The following ANKAR variants were observed in gnomAD, a reference collection of about 807,000 sequenced individuals.
ANKAR encodes the protein ankyrin and armadillo repeat-containing protein.
Under a neutral mutation model 146.2 loss-of-function variants are expected in ANKAR, and 136 were observed. That is an observed-to-expected ratio of 0.93 (90% CI 0.81 to 1.07). ANKAR has a LOEUF of 1.07. Ranked by LOEUF, ANKAR falls within the 50% of genes least tolerant of loss-of-function variation. The pLI is 0.00. For missense variants in ANKAR, 1,567 were observed against 1,679.9 expected (o/e 0.93, Z 1.18); for synonymous variants, 500 against 575.8 (o/e 0.87, Z 1.88).
At position 189,760,506 on chromosome 2, in the gene ANKAR, T is replaced by G. The variant is rs543478603; in HGVS notation, c.*585-592T>G. On this transcript the variant is annotated intron_variant and NMD_transcript_variant, in intron 18 of 18. Transcript: ENST00000441800. ...TCTGCAAATACATTAACAATCTGGA[T>G]TTCCAGCCCGGCGCGGTGTCTCACG... Among the ~76,000 whole-genome samples the G allele has an allele frequency of 5.3e-5, 8 of 152,262 alleles. No individual in the cohort carries two copies. The East Asian group carries it at 1.4e-3, about 26-fold the overall frequency.
chr2:189,711,968 A>G (rs1161943223), intron 10 of ANKAR, among the ~76,000 whole-genome samples: 2 of 152,236 alleles, frequency 1.3e-5, no homozygotes, highest in East Asian at 1.9e-4. Context: ...GGCAGGTCCC[A>G]CACTGATGGA....
chr2:189,719,228 A>G (rs1348622718), intron 10 of ANKAR, among the ~76,000 whole-genome samples: 2 of 152,216 alleles, frequency 1.3e-5, no homozygotes, highest in Non-Finnish European at 2.9e-5. Context: ...GCAATAACCA[A>G]AACTGACCTG....
intron 2 of ANKAR, 116 bp from the exon 3 acceptor site, chr2:189,689,411 T>A (rs1293940447): frequency 2.3e-6 from 2 of 877,524 alleles, no homozygotes; most frequent in African/African-American, 3.4e-5. Flanking sequence ...TAATTTTTCC[T>A]TTACTGTCGT....
At chr2:189,745,407 T>C (rs1320856567) in intron 22 of ANKAR, among the ~76,000 whole-genome samples, 1 of 152,196 alleles carries the variant, frequency 6.6e-6, no homozygotes, top group South Asian at 2.1e-4. Context: ...CCTGTAAATA[T>C]GACTTTGCTG....
At chr2:189,754,420 G>T in intron 18 of ANKAR, 1 of 1,355,902 alleles carries the variant, frequency 7.4e-7, no homozygotes, top group African/African-American at 1.5e-5. Context: ...GAAATAAATT[G>T]AAAATTACTA....
chr2:189,724,975 ATCTT>A (rs2041706391), intron 12 of ANKAR, among the ~76,000 whole-genome samples: 1 of 152,210 alleles, frequency 6.6e-6, no homozygotes, highest in African/African-American at 2.4e-5. Flanking sequence ...ATTATATACC[ATCTT>A]TCTAAGGGTA....
At chr2:189,715,308 C>A (rs2040295046) in intron 10 of ANKAR, among the ~76,000 whole-genome samples, 2 of 152,134 alleles carry the variant, frequency 1.3e-5, no homozygotes, top group Non-Finnish European at 2.9e-5. Context: ...ATACTATAAA[C>A]ACCCCTACAC....
intron 7 of ANKAR, among the ~76,000 whole-genome samples, chr2:189,699,548 C>A (rs1269162094): frequency 6.6e-6 from 1 of 152,200 alleles, no homozygotes. Flanking sequence ...TTACTCATTT[C>A]ACTTGTGCAT....
intron 4 of ANKAR, chr2:189,692,673 C>T (rs914317248): frequency 3.0e-6 from 1 of 338,512 alleles, no homozygotes; most frequent in Non-Finnish European, 5.3e-6. Context: ...AATTTAAAGA[C>T]TTCTAATGGA....
At chr2:189,709,642 A>G (rs934010997) in intron 9 of ANKAR, among the ~76,000 whole-genome samples, 1 of 152,242 alleles carries the variant, frequency 6.6e-6, no homozygotes, top group African/African-American at 2.4e-5. Flanking sequence ...TTTCAACCCC[A>G]TTCTACTGAT....
chr2:189,713,286 C>T (rs913922962), intron 10 of ANKAR, among the ~76,000 whole-genome samples: 2 of 152,082 alleles, frequency 1.3e-5, no homozygotes, highest in Non-Finnish European at 2.9e-5. Flanking sequence ...AGATACTCCT[C>T]GAGAAGAGCA....
chr2:189,727,289 G>C (rs912281237), intron 12 of ANKAR, among the ~76,000 whole-genome samples: 5 of 152,086 alleles, frequency 3.3e-5, no homozygotes, highest in African/African-American at 1.2e-4. Context: ...TTTGAACTCT[G>C]ATTATGGAAG....
chr2:189,731,376 C>CTTTTTTTTTT (rs71023714), intron 16 of ANKAR, among the ~76,000 whole-genome samples: 1 of 137,396 alleles, frequency 7.3e-6, no homozygotes, highest in Non-Finnish European at 1.5e-5. Flanking sequence ...TTTCTTTTTT[C>CTTTTTTTTTT]TTTTTTTTTT....
At chr2:189,702,856 A>C (rs1390948822) in intron 7 of ANKAR, among the ~76,000 whole-genome samples, 1 of 152,154 alleles carries the variant, frequency 6.6e-6, no homozygotes, top group African/African-American at 2.4e-5. Context: ...AATGATTAGG[A>C]GTTAGCTAGA....
chr2:189,753,015 T>G lies in ANKAR; in HGVS notation c.*585-8083T>G, dbSNP rs114862566. On this transcript the variant is annotated intron_variant and NMD_transcript_variant, in intron 18 of 18. Transcript: ENST00000441800. ...TGAGAAAACCAAAATAACTATCATA[T>G]ATGGATATGAACCAAGCTGCTAATT... 2.5e-3 allele frequency: 3,881 copies of G among 1,564,926 alleles called. 3 individuals carry two copies. Among genetic ancestry groups the G allele is most frequent in the Non-Finnish European group, 3.1e-3 (3,580 of 1,156,608 alleles).
chr2:189,678,269 C>T (rs918524092), intron 2 of ANKAR, among the ~76,000 whole-genome samples: 2 of 151,882 alleles, frequency 1.3e-5, no homozygotes, highest in African/African-American at 2.4e-5. Flanking sequence ...TGGCTTTTGC[C>T]CACTTTTTGA....
At chr2:189,678,832 G>A (rs536744823) in intron 2 of ANKAR, among the ~76,000 whole-genome samples, 6 of 152,240 alleles carry the variant, frequency 3.9e-5, no homozygotes, top group African/African-American at 1.4e-4. Context: ...CTATAGCCTT[G>A]TAGTATAGTT....
chr2:189,706,384 T>TCAG (rs2038952127), intron 8 of ANKAR, among the ~76,000 whole-genome samples: 1 of 151,096 alleles, frequency 6.6e-6, no homozygotes, highest in African/African-American at 2.4e-5. Flanking sequence ...AGACTCCATC[T>TCAG]CAACAACAAC....
At chr2:189,754,112 C>G in intron 18 of ANKAR, 1 of 1,611,638 alleles carries the variant, frequency 6.2e-7, no homozygotes. Context: ...GAATATTTAT[C>G]TGTTCAACTT....
Sources: allele counts gnomAD v4.1 joint callset (sites outside exome capture counted in the v4.1 genomes callset), GRCh38; gene constraint gnomAD v4.1.1; transcripts MANE v1.5; gene names NCBI Gene and HGNC (gene_info 2026-07-23, HGNC 2026-07-21).